The following LUZP2 variants were observed in gnomAD, a reference collection of about 807,000 sequenced individuals.
LUZP2 encodes the protein leucine zipper protein 2.
In LUZP2, 52 loss-of-function variants were observed where a neutral mutation model predicts 51.6. The observed-to-expected ratio is 1.01, with a 90% CI of 0.81 to 1.27. The LOEUF (loss-of-function observed/expected upper bound fraction) is 1.27. Among genes scored for constraint, LUZP2 ranks in the 50% most tolerant of loss-of-function variants. LUZP2 has a pLI of 0.00. For synonymous variants in LUZP2, 154 were observed against 137.3 expected, an observed-to-expected ratio of 1.12 and a Z score of -0.85; for missense variants, 436 against 395.4, an observed-to-expected ratio of 1.10 and a Z score of -0.87.
At chr11:24,738,689 C>T (rs562964020) in intron 4 of LUZP2, among the ~76,000 whole-genome samples, 1 of 152,032 alleles carries the variant, frequency 6.6e-6, no homozygotes, top group Non-Finnish European at 1.5e-5. Flanking sequence ...CTCTCAGGAG[C>T]AGGGCCATGG....
chr11:25,044,321 T>C (rs1858223102), intron 9 of LUZP2, among the ~76,000 whole-genome samples: 1 of 144,274 alleles, frequency 6.9e-6, no homozygotes, highest in South Asian at 2.2e-4. Flanking sequence ...TAAATACTGA[T>C]CCAGAATTGA....
chr11:24,531,922 C>A (rs1383258926), intron 1 of LUZP2, among the ~76,000 whole-genome samples: 2 of 150,798 alleles, frequency 1.3e-5, no homozygotes, highest in Non-Finnish European at 3.0e-5. Flanking sequence ...ACCTAACTTC[C>A]CCAAATCAGT....
intron 5 of LUZP2, chr11:24,891,836 G>A (rs956671590): frequency 2.0e-6 from 2 of 980,710 alleles, no homozygotes; most frequent in African/African-American, 3.5e-5. Context: ...GCAACACTCT[G>A]CACTGAACAT....
At chr11:24,931,292 T>G (rs945196037) in intron 7 of LUZP2, among the ~76,000 whole-genome samples, 5 of 151,888 alleles carry the variant, frequency 3.3e-5, no homozygotes, top group African/African-American at 7.2e-5. Flanking sequence ...TTTATTTATC[T>G]TTGTTGGATT....
chr11:24,751,708 T>TAAAAAAAA (rs200341886), intron 4 of LUZP2, among the ~76,000 whole-genome samples: 1 of 130,354 alleles, frequency 7.7e-6, no homozygotes. Flanking sequence ...AATTGAAAAT[T>TAAAAAAAA]AAAAAAAAAA....
At chr11:24,640,145 T>C (rs1332758838) in intron 1 of LUZP2, among the ~76,000 whole-genome samples, 2 of 151,844 alleles carry the variant, frequency 1.3e-5, no homozygotes, top group African/African-American at 4.9e-5. Context: ...GAAAAACAAC[T>C]CTGGGTTGTA....
At chr11:24,918,657 ATTAT>A (rs1221216214) in intron 7 of LUZP2, among the ~76,000 whole-genome samples, 1 of 151,734 alleles carries the variant, frequency 6.6e-6, no homozygotes, top group Admixed American at 6.6e-5. Flanking sequence ...AATCCTAAAT[ATTAT>A]TTATCATTGA....
At chr11:24,714,207 C>G (rs1252376907) in intron 1 of LUZP2, among the ~76,000 whole-genome samples, 1 of 151,768 alleles carries the variant, frequency 6.6e-6, no homozygotes, top group African/African-American at 2.4e-5. Context: ...GGCTTAAAAC[C>G]TCAGTGATGG....
At chr11:24,689,558 G>C (rs1045704196) in intron 1 of LUZP2, among the ~76,000 whole-genome samples, 2 of 152,096 alleles carry the variant, frequency 1.3e-5, no homozygotes, top group Admixed American at 6.6e-5. Context: ...CTATTTTAGA[G>C]AGCCAGTTTA....
At chr11:24,745,836 C>T (rs1859360846) in intron 4 of LUZP2, among the ~76,000 whole-genome samples, 1 of 152,076 alleles carries the variant, frequency 6.6e-6, no homozygotes, top group South Asian at 2.1e-4. Context: ...AGTCACCACA[C>T]CCGGCTAATT....
intron 9 of LUZP2, among the ~76,000 whole-genome samples, chr11:24,991,396 G>GTATATA (rs58483878): frequency 5.6e-5 from 7 of 124,976 alleles, no homozygotes; most frequent in South Asian, 2.7e-4. Context: ...GTGTGTGTGT[G>GTATATA]TATATATATA....
At chr11:24,548,292 A>G (rs1851620784) in intron 1 of LUZP2, among the ~76,000 whole-genome samples, 1 of 152,118 alleles carries the variant, frequency 6.6e-6, no homozygotes, top group Non-Finnish European at 1.5e-5. Context: ...AAATACATGG[A>G]GTAAACCTAA....
At chr11:24,579,336 A>G (rs888632673) in intron 1 of LUZP2, among the ~76,000 whole-genome samples, 1 of 152,124 alleles carries the variant, frequency 6.6e-6, no homozygotes, top group African/African-American at 2.4e-5. Context: ...ACCTATTTTG[A>G]AACTTCAAGA....
chr11:24,624,889 G>C (rs1338066048), intron 1 of LUZP2, among the ~76,000 whole-genome samples: 2 of 152,064 alleles, frequency 1.3e-5, no homozygotes, highest in Non-Finnish European at 2.9e-5. Flanking sequence ...AAGTAAAATT[G>C]ATAAGATGAT....
chr11:24,534,701 G>A (rs186592944), intron 1 of LUZP2, among the ~76,000 whole-genome samples: 2 of 151,464 alleles, frequency 1.3e-5, no homozygotes, highest in East Asian at 3.9e-4. Flanking sequence ...TTATCAAAAG[G>A]AGAAACACAA....
At chr11:24,609,351 T>A (rs1854039723) in intron 1 of LUZP2, among the ~76,000 whole-genome samples, 2 of 152,090 alleles carry the variant, frequency 1.3e-5, no homozygotes, top group African/African-American at 4.8e-5. Flanking sequence ...CTCTCCACAG[T>A]TGTAGAAGAA....
chr11:24,640,151 T>G (rs1397268693), intron 1 of LUZP2, among the ~76,000 whole-genome samples: 1 of 151,778 alleles, frequency 6.6e-6, no homozygotes, highest in Non-Finnish European at 1.5e-5. Context: ...CAACTCTGGG[T>G]TGTAAGTGTA....
At chr11:24,500,569 T>C (rs1849963002) in intron 1 of LUZP2, among the ~76,000 whole-genome samples, 1 of 152,184 alleles carries the variant, frequency 6.6e-6, no homozygotes, top group Non-Finnish European at 1.5e-5. Flanking sequence ...TAGAAGTTCT[T>C]GGTGAAAAGG....
intron 1 of LUZP2, among the ~76,000 whole-genome samples, chr11:24,630,673 C>CTATTTTT (rs375008402): frequency 7.6e-6 from 1 of 131,658 alleles, no homozygotes; most frequent in African/African-American, 2.8e-5. Context: ...GCTATTCCGA[C>CTATTTTT]TTTTTTTTTT....
Sources: allele counts gnomAD v4.1 joint callset (sites outside exome capture counted in the v4.1 genomes callset), GRCh38; gene constraint gnomAD v4.1.1; transcripts MANE v1.5; gene names NCBI Gene and HGNC (gene_info 2026-07-23, HGNC 2026-07-21).